The following NUCB2 variants were observed in gnomAD, a reference collection of about 807,000 sequenced individuals.
The protein encoded by NUCB2 is nucleobindin 2, also known as nucleobindin-2.
In NUCB2, 48 loss-of-function variants were observed where a neutral mutation model predicts 57.9. That is an observed-to-expected ratio of 0.83 (90% CI 0.66 to 1.05). The LOEUF is 1.05. Ranked by LOEUF, NUCB2 falls within the 50% of genes least tolerant of loss-of-function variation. NUCB2 has a pLI of 0.00. For missense variants in NUCB2, 442 were observed against 476.2 expected, an observed-to-expected ratio of 0.93 and a Z score of 0.67; for synonymous variants, 139 against 152.1, an observed-to-expected ratio of 0.91 and a Z score of 0.64.
chr11:17,316,387 C>T lies in NUCB2; in HGVS notation c.1002+912C>T, dbSNP rs183121048. On this transcript the variant is annotated intron_variant, in intron 11 of 13. Coordinates refer to ENST00000529010, the MANE Select transcript of NUCB2 (RefSeq NM_005013.4). Reference sequence around the variant, plus strand: ...ACAAACATCTTTTAATATCATTCTTCAAAAACATGATTTTTAAAATGACTA... The same window carrying T: ...ACAAACATCTTTTAATATCATTCTTTAAAAACATGATTTTTAAAATGACTA... Among the ~76,000 whole-genome samples the T allele has an allele frequency of 3.2e-4, 48 of 152,262 alleles. No individual in the cohort carries two copies. The East Asian group carries it at 7.9e-3, about 25-fold the overall frequency.
intron 10 of NUCB2, among the ~76,000 whole-genome samples, chr11:17,314,771 A>G (rs933180065): frequency 4.6e-5 from 7 of 152,172 alleles, no homozygotes; most frequent in African/African-American, 1.7e-4. Flanking sequence ...TGAGTGGTAA[A>G]TGCTAAATTG....
At chr11:17,334,101 C>A (rs927114018), downstream of NUCB2, 4 of 152,208 alleles carry the variant, frequency 2.6e-5, no homozygotes, top group Admixed American at 2.0e-4. Flanking sequence ...AGATTTAGGG[C>A]CTTCGACTTG....
At chr11:17,328,659 C>T (rs1282989957) in intron 11 of NUCB2, among the ~76,000 whole-genome samples, 1 of 152,124 alleles carries the variant, frequency 6.6e-6, no homozygotes, top group African/African-American at 2.4e-5. Flanking sequence ...TTTTCTGTCA[C>T]CTTGCGGTAA....
At chr11:17,289,247 C>A (rs1353773306) in intron 2 of NUCB2, among the ~76,000 whole-genome samples, 1 of 152,144 alleles carries the variant, frequency 6.6e-6, no homozygotes, top group Non-Finnish European at 1.5e-5. Context: ...CGTGAGCCAC[C>A]ACGCCCAGCC....
intron 5 of NUCB2, among the ~76,000 whole-genome samples, chr11:17,303,424 T>G (rs772145432): frequency 1.2e-4 from 18 of 152,168 alleles, no homozygotes; most frequent in South Asian, 6.2e-4. Context: ...ATATAAATAG[T>G]CCTAAGGAGA....
chr11:17,338,099 A>C (rs2139579407), intron 2 of NUCB2, among the ~76,000 whole-genome samples: 1 of 152,370 alleles, frequency 6.6e-6, no homozygotes, highest in East Asian at 1.9e-4. Context: ...CAAGTGGTGA[A>C]GACACCAAAT....
At chr11:17,282,550 C>T (rs1156653773) in intron 1 of NUCB2, among the ~76,000 whole-genome samples, 1 of 151,908 alleles carries the variant, frequency 6.6e-6, no homozygotes, top group Non-Finnish European at 1.5e-5. Context: ...CAGGAGCCAC[C>T]GTGCCCGGCC....
Position 17,328,828 on chromosome 11 carries a change from C to A in NUCB2, c.1003-1299C>A, listed in dbSNP as rs142334088. The stretch of plus-strand genomic sequence containing the variant: ...CTGAGCTGGTACCTAGGGTGCAAGA[C>A]AAAAATCGCCTTTACTTTCCCTCTG... On this transcript the variant is annotated intron_variant, in intron 11 of 13. Coordinates refer to ENST00000529010, the MANE Select transcript of NUCB2 (RefSeq NM_005013.4). Among the ~76,000 whole-genome samples the A allele has an allele frequency of 8.8e-4, 134 of 152,210 alleles. 1 individual carries two copies. In the East Asian group the frequency reaches 0.02, roughly 23 times the overall value.
At chr11:17,289,964 C>T (rs1944645847) in intron 2 of NUCB2, among the ~76,000 whole-genome samples, 2 of 152,100 alleles carry the variant, frequency 1.3e-5, no homozygotes, top group Admixed American at 1.3e-4. Context: ...AATTCAGCCT[C>T]ATGTTCCTTG....
At chr11:17,346,737 G>A (rs1172011158) in intron 2 of NUCB2, among the ~76,000 whole-genome samples, 3 of 152,032 alleles carry the variant, frequency 2.0e-5, no homozygotes, top group Admixed American at 2.0e-4. Context: ...ATATCAACAT[G>A]TTATATAACT....
chr11:17,278,555 C>G (rs1223569081), intron 1 of NUCB2: 1 of 152,100 alleles, frequency 6.6e-6, no homozygotes, highest in Non-Finnish European at 1.5e-5. Flanking sequence ...TTGTTCATAT[C>G]ACGTATTTTG....
chr11:17,305,919 C>T (rs556682035), intron 5 of NUCB2, among the ~76,000 whole-genome samples: 7 of 152,248 alleles, frequency 4.6e-5, no homozygotes, highest in African/African-American at 1.4e-4. Context: ...TGCCACCACA[C>T]CCAACACATT....
chr11:17,288,552 C>CTTTTTTTTTTTTTTTTTTTTTT (rs1362783048), intron 2 of NUCB2, among the ~76,000 whole-genome samples: 4 of 101,188 alleles, frequency 4.0e-5, no homozygotes, highest in Admixed American at 1.2e-4. Flanking sequence ...TCTTCTTCTT[C>CTTTTTTTTTTTTTTTTTTTTTT]TTTTTTTTTT....
chr11:17,301,974 A>T (rs1277702061), intron 5 of NUCB2, 104 bp downstream of exon 5: 1 of 929,846 alleles, frequency 1.1e-6, no homozygotes, highest in Non-Finnish European at 1.6e-6. Flanking sequence ...ATCACAGTTC[A>T]CTACAGCCTT....
rs1944389202 is a variant in NUCB2 at position 17,288,936 on chromosome 11, CACACACACACACACATATATAT to C, written c.-1+5995_-1+6016del. 2.4e-5 allele frequency among the ~76,000 whole-genome samples: 2 copies of C among 84,566 alleles called. 1 individual carries two copies. The highest frequency in any genetic ancestry group is 1.6e-4 in the African/African-American group (2 of 12,438). 55.5% of individuals were successfully genotyped at this position (84,566 alleles called of 152,430 possible). ...ACACACACACACACACACACACACA[CACACACACACACACATATATAT>C]ATATATTTTTTTTTTTTGAGATGGA... On this transcript the variant is annotated intron_variant, in intron 2 of 13. Transcript: ENST00000529010.
intron 2 of NUCB2, among the ~76,000 whole-genome samples, chr11:17,288,568 T>TTTTTTTTTTTTTTG (rs1944231994): frequency 6.8e-6 from 1 of 147,094 alleles, no homozygotes; most frequent in African/African-American, 2.5e-5. Context: ...TTTTTTTTTT[T>TTTTTTTTTTTTTTG]GAGACAGTCT....
chr11:17,299,291 A>G (rs1371319393), intron 4 of NUCB2, among the ~76,000 whole-genome samples: 2 of 152,084 alleles, frequency 1.3e-5, no homozygotes, highest in Non-Finnish European at 2.9e-5. Context: ...GTAACTCTAG[A>G]GCCTGCATTT....
chr11:17,302,512 C>T (rs1946904558), intron 5 of NUCB2, among the ~76,000 whole-genome samples: 1 of 152,002 alleles, frequency 6.6e-6, no homozygotes, highest in African/African-American at 2.4e-5. Flanking sequence ...GAAAATTTTT[C>T]AGAGATCTAG....
At chr11:17,342,400 A>G (rs1287084617) in intron 2 of NUCB2, among the ~76,000 whole-genome samples, 1 of 151,770 alleles carries the variant, frequency 6.6e-6, no homozygotes, top group Non-Finnish European at 1.5e-5. Context: ...TTTAATTGTG[A>G]TGTTAGGGTG....
Sources: allele counts gnomAD v4.1 joint callset (sites outside exome capture counted in the v4.1 genomes callset), GRCh38; gene constraint gnomAD v4.1.1; transcripts MANE v1.5; gene names NCBI Gene and HGNC (gene_info 2026-07-23, HGNC 2026-07-21).